The following BACH2 variants were observed in gnomAD, a reference collection of about 807,000 sequenced individuals.
The protein encoded by BACH2 is BACH transcriptional regulator 2.
A neutral mutation model predicts 61.8 loss-of-function variants in BACH2; 5 were observed. That is an observed-to-expected ratio of 0.08 (90% CI 0.04 to 0.17). The LOEUF (loss-of-function observed/expected upper bound fraction) is 0.17, where lower values mean the gene tolerates loss of function less well. Ranked by LOEUF, BACH2 falls within the 10% of genes least tolerant of loss-of-function variation. The probability of loss-of-function intolerance (pLI) is 1.00; values close to 1 mark genes in which losing one functional copy is unlikely to be tolerated. For synonymous variants in BACH2, 446 were observed against 440.1 expected, an observed-to-expected ratio of 1.01 and a Z score of -0.17; for missense variants, 824 against 1,091.1, an observed-to-expected ratio of 0.76 and a Z score of 3.45.
intron 4 of BACH2, among the ~76,000 whole-genome samples, chr6:90,125,567 T>C (rs1159741974): frequency 6.6e-6 from 1 of 152,190 alleles, no homozygotes; most frequent in African/African-American, 2.4e-5. Flanking sequence ...AAGAGAACAG[T>C]TGCATCCTTT....
intron 4 of BACH2, among the ~76,000 whole-genome samples, chr6:90,108,289 T>A (rs747140771): frequency 6.6e-6 from 1 of 152,196 alleles, no homozygotes; most frequent in Non-Finnish European, 1.5e-5. Flanking sequence ...ATATTTAATA[T>A]ACCCTCCTGG....
intron 4 of BACH2, among the ~76,000 whole-genome samples, chr6:90,203,308 G>A (rs986321734): frequency 6.7e-6 from 1 of 149,734 alleles, no homozygotes; most frequent in African/African-American, 2.5e-5. Flanking sequence ...CTACTCAGGA[G>A]GCTGAGGTGG....
chr6:89,999,830 CT>C (rs1562358041), intron 6 of BACH2, among the ~76,000 whole-genome samples: 1 of 152,124 alleles, frequency 6.6e-6, no homozygotes, highest in East Asian at 1.9e-4. Context: ...TTTCAGAGGC[CT>C]TGTCATAAAT....
intron 4 of BACH2, among the ~76,000 whole-genome samples, chr6:90,160,755 T>G (rs1293196197): frequency 6.6e-6 from 1 of 152,190 alleles, no homozygotes; most frequent in Non-Finnish European, 1.5e-5. Flanking sequence ...GGAGACGACA[T>G]CTAAGTTGGA....
intron 5 of BACH2, among the ~76,000 whole-genome samples, chr6:90,039,392 C>CT (rs551268944): frequency 4.0e-5 from 6 of 149,552 alleles, no homozygotes; most frequent in Non-Finnish European, 7.5e-5. Flanking sequence ...TACAAGAGTA[C>CT]TTTTTTTTTT....
intron 4 of BACH2, among the ~76,000 whole-genome samples, chr6:90,165,385 C>CCACT (rs1460829965): frequency 6.6e-6 from 1 of 152,102 alleles, no homozygotes; most frequent in Admixed American, 6.5e-5. Flanking sequence ...GAACTACAAA[C>CCACT]CACTGCTCAA....
chr6:90,103,027 A>ATTTT (rs1163074235), intron 4 of BACH2, among the ~76,000 whole-genome samples: 3 of 24,472 alleles, frequency 1.2e-4, no homozygotes, highest in African/African-American at 2.3e-4. Context: ...ATATATATAT[A>ATTTT]TATTTTTTTT....
chr6:90,055,950 C>T (rs985752549), intron 5 of BACH2, among the ~76,000 whole-genome samples: 1 of 152,110 alleles, frequency 6.6e-6, no homozygotes, highest in Non-Finnish European at 1.5e-5. Context: ...CAGGCCTGCC[C>T]TAAAAGAGCT....
At chr6:90,277,815 G>C (rs1771741695) in intron 1 of BACH2, among the ~76,000 whole-genome samples, 1 of 152,126 alleles carries the variant, frequency 6.6e-6, no homozygotes, top group African/African-American at 2.4e-5. Flanking sequence ...TCTATAAAAT[G>C]GAGCCAACAG....
intron 4 of BACH2, among the ~76,000 whole-genome samples, chr6:90,159,151 T>C (rs997242930): frequency 6.6e-6 from 1 of 152,198 alleles, no homozygotes; most frequent in Non-Finnish European, 1.5e-5. Context: ...AGATAACTAA[T>C]TACTGGGTAA....
rs373751160 is a variant in BACH2 at position 89,950,327 on chromosome 6, G to A, written c.1779C>T (p.Ser593=). ...CACTGTCTGCTTCCGAGAACGATCCGGATTCGTCACTGGAGTTGGTTCCAT... is the reference window on the plus strand; with the variant it reads ...CACTGTCTGCTTCCGAGAACGATCCAGATTCGTCACTGGAGTTGGTTCCAT... ...QSYGTNSSDE[S]GSFSEADSES... The change falls in exon 7 of 9, where the codon TCC becomes TCT. Residue 593 remains serine, a synonymous_variant. Coordinates refer to ENST00000257749, the MANE Select transcript of BACH2 (RefSeq NM_021813.4). This position sits in a 1 kb window ranked among gnomAD's most constrained non-coding sequence, Gnocchi z 5.3. 9.9e-6 allele frequency: 16 copies of A among 1,614,002 alleles called. No individual in the cohort carries two copies. The African/African-American group carries it at 1.2e-4, about 12-fold the overall frequency.
chr6:90,239,482 C>T (rs1770365316), intron 3 of BACH2, among the ~76,000 whole-genome samples: 1 of 152,170 alleles, frequency 6.6e-6, no homozygotes. Context: ...TCTAAAATTA[C>T]AGCAAGGTCC....
chr6:90,203,391 C>CAAAA (rs34539345), intron 4 of BACH2, among the ~76,000 whole-genome samples: 4 of 59,788 alleles, frequency 6.7e-5, no homozygotes, highest in African/African-American at 1.4e-4. Context: ...TCTCTCTCTC[C>CAAAA]AAAAAAAAAA....
At chr6:90,019,876 T>C (rs557224077) in intron 5 of BACH2, among the ~76,000 whole-genome samples, 28 of 152,294 alleles carry the variant, frequency 1.8e-4, no homozygotes, top group African/African-American at 6.5e-4. Context: ...AAAACAAAGA[T>C]ACAGCAACAT....
chr6:90,199,714 G>C (rs559260364), intron 4 of BACH2, among the ~76,000 whole-genome samples: 1 of 152,140 alleles, frequency 6.6e-6, no homozygotes, highest in Non-Finnish European at 1.5e-5. Flanking sequence ...CAATGTACAC[G>C]TAACAGAGGG....
chr6:90,223,282 T>C (rs377017653), intron 3 of BACH2, among the ~76,000 whole-genome samples: 5 of 152,318 alleles, frequency 3.3e-5, no homozygotes, highest in African/African-American at 1.2e-4. Context: ...ACATAATTCT[T>C]ACTTTCAAAG....
intron 6 of BACH2, among the ~76,000 whole-genome samples, chr6:89,989,042 A>G (rs952429057): frequency 2.0e-5 from 3 of 152,126 alleles, no homozygotes; most frequent in Admixed American, 6.5e-5. Flanking sequence ...CAGTGGAAGG[A>G]CCTTCTCTTG....
chr6:90,061,943 C>T (rs1003992751), intron 5 of BACH2, among the ~76,000 whole-genome samples: 16 of 152,064 alleles, frequency 1.1e-4, no homozygotes, highest in African/African-American at 3.6e-4. Context: ...ACAAGAAGTT[C>T]GAAGTGTTTT....
At chr6:90,014,468 AT>A (rs1164045089) in intron 5 of BACH2, among the ~76,000 whole-genome samples, 186 of 32,020 alleles carry the variant, frequency 5.8e-3, no homozygotes, top group Non-Finnish European at 8.0e-3. Context: ...ATATATATAT[AT>A]TTTTTTTTTT....
Sources: gnomAD v4.1 joint callset for allele counts (sites outside exome capture counted in the v4.1 genomes callset) on GRCh38, gnomAD v4.1.1 for gene constraint, Gnocchi (gnomAD v3.1) non-coding constraint, MANE v1.5 for transcripts, NCBI Gene and HGNC (gene_info 2026-07-23, HGNC 2026-07-21) for gene names.